VPS53: variants seen among roughly 807,000 people sequenced by gnomAD.
VPS53 encodes the protein VPS53 subunit of GARP complex.
VPS53 carries 70 observed loss-of-function variants against 107.0 expected under a neutral mutation model. The observed-to-expected ratio is 0.65, with a 90% CI of 0.54 to 0.80. VPS53 has a LOEUF of 0.80. Among genes scored for constraint, VPS53 ranks in the 30% least tolerant of loss-of-function variants. The pLI is 0.00. For synonymous variants in VPS53, 409 were observed against 393.3 expected (o/e 1.04, Z -0.47); for missense variants, 917 against 1,049.4 (o/e 0.87, Z 1.74).
Position 512,053 on chromosome 17 carries a change from TCAG to T in VPS53, c.*7072_*7074del, listed in dbSNP as rs1907977121. Reference sequence around the variant, plus strand: ...AGCTGCCAGGGGAAGGGGATACTGCTCAGTCTTTTAAAACTCTCGTGTAAGCTT... The same window carrying T: ...AGCTGCCAGGGGAAGGGGATACTGCTTCTTTTAAAACTCTCGTGTAAGCTT... On this transcript the variant is annotated 3_prime_UTR_variant, in exon 22 of 22. Coordinates refer to ENST00000437048, the MANE Select transcript of VPS53 (RefSeq NM_001128159.3). 1 of 152,240 alleles carries T rather than the reference TCAG, an allele frequency of 6.6e-6. No homozygotes were observed. The highest frequency in any genetic ancestry group is 1.5e-5 in the Non-Finnish European group (1 of 68,044). 9.4% of individuals were successfully genotyped at this position (152,240 alleles called of 1,614,324 possible). A position where few individuals can be genotyped will look rare whatever the true frequency, so the allele number is the denominator to read the frequency against.
chr17:583,692 C>G (rs1967169540), intron 13 of VPS53, among the ~76,000 whole-genome samples: 2 of 151,850 alleles, frequency 1.3e-5, no homozygotes, highest in Admixed American at 6.6e-5. Context: ...TCCCAGAGAA[C>G]TCCCTTCTGA....
rs1388307747 is a variant in VPS53, at chr17:520,802, CAT to C, written c.2223+797_2223+798del. ...TACATGAGCTCTTCACCCTCACCTA[CAT>C]GAGCTGCTTCACCCTCACCTACATG... On this transcript the variant is annotated intron_variant, in intron 20 of 21. Coordinates refer to ENST00000437048, the MANE Select transcript of VPS53 (RefSeq NM_001128159.3). This position sits in a 1 kb window ranked among gnomAD's most constrained non-coding sequence, Gnocchi z 4.4. 7.9e-5 allele frequency among the ~76,000 whole-genome samples: 12 copies of C among 151,872 alleles called. No individual in the cohort carries two copies. The highest frequency in any genetic ancestry group is 4.4e-5 in the Non-Finnish European group (3 of 67,900).
chr17:548,354 C>G (rs1425734291), intron 17 of VPS53, among the ~76,000 whole-genome samples: 1 of 151,212 alleles, frequency 6.6e-6, no homozygotes, highest in Non-Finnish European at 1.5e-5. Flanking sequence ...TGACTACACT[C>G]CACTTTGGCC....
intron 15 of VPS53, among the ~76,000 whole-genome samples, 156 bp downstream of exon 15, chr17:560,270 T>C (rs1033283279): frequency 6.6e-6 from 1 of 152,252 alleles, no homozygotes; most frequent in East Asian, 1.9e-4. Flanking sequence ...TGGGCAGCCT[T>C]ATGGCTGGAC....
chr17:626,167 C>A (rs1024265923), intron 10 of VPS53, among the ~76,000 whole-genome samples: 1 of 151,762 alleles, frequency 6.6e-6, no homozygotes, highest in African/African-American at 2.4e-5. Context: ...CATGATCACA[C>A]CACTGCACTC....
intron 4 of VPS53, chr17:676,400 T>C (rs1019901612): frequency 1.3e-5 from 2 of 152,234 alleles, no homozygotes; most frequent in Non-Finnish European, 2.9e-5. Flanking sequence ...CCGCAATTTT[T>C]CTAATGCACA....
At chr17:665,051 T>C (rs2143642195) in intron 4 of VPS53, among the ~76,000 whole-genome samples, 2 of 152,230 alleles carry the variant, frequency 1.3e-5, no homozygotes, top group South Asian at 2.1e-4. Flanking sequence ...CCAAAGTTCA[T>C]GTGTTGGAAA....
intron 12 of VPS53, among the ~76,000 whole-genome samples, chr17:587,937 A>G (rs1967409486): frequency 6.6e-6 from 1 of 152,176 alleles, no homozygotes; most frequent in African/African-American, 2.4e-5. Flanking sequence ...ACACCCACAA[A>G]GCCCTCACCA....
At chr17:599,037 CCGGGAGG>C (rs1968176465) in intron 12 of VPS53, among the ~76,000 whole-genome samples, 2 of 121,062 alleles carry the variant, frequency 1.7e-5, no homozygotes, top group Admixed American at 9.2e-5. Context: ...GCCGCCCCAT[CCGGGAGG>C]TGAGGGGCGC....
At chr17:545,451 C>T (rs1049781838) in intron 17 of VPS53, among the ~76,000 whole-genome samples, 1 of 152,172 alleles carries the variant, frequency 6.6e-6, no homozygotes, top group Admixed American at 6.5e-5. Flanking sequence ...TCAACAGCAC[C>T]AGCTATGGAC....
At position 517,543 on chromosome 17, in the gene VPS53, G is replaced by A. The variant is rs541695932; in HGVS notation, c.*1585C>T. ...CTCTATCCTGAAAACTTTTTGAGAA[G>A]GGGTCTTGCTCTGTCACCCAGGCTG... On this transcript the variant is annotated 3_prime_UTR_variant, in exon 22 of 22. Transcript: ENST00000437048. The A allele has an allele frequency of 2.0e-4, 78 of 397,898 alleles. No individual in the cohort carries two copies. The highest frequency in any genetic ancestry group is 1.3e-3 in the African/African-American group (65 of 48,716). The allele number at this position is 397,898 out of a possible 1,614,324, so 24.6% of individuals were successfully genotyped here.
At chr17:630,320 A>AAAG (rs1969901931) in intron 8 of VPS53, among the ~76,000 whole-genome samples, 1 of 152,068 alleles carries the variant, frequency 6.6e-6, no homozygotes, top group African/African-American at 2.4e-5. Context: ...AACAAAAAAA[A>AAAG]AAACCTGAAA....
At chr17:694,945 T>C (rs1972900270) in intron 4 of VPS53, among the ~76,000 whole-genome samples, 1 of 152,130 alleles carries the variant, frequency 6.6e-6, no homozygotes, top group South Asian at 2.1e-4. Flanking sequence ...CCTCAAGTCA[T>C]CCTCCCACCT....
intron 14 of VPS53, among the ~76,000 whole-genome samples, chr17:561,604 T>C (rs566811149): frequency 2.0e-5 from 3 of 152,228 alleles, no homozygotes; most frequent in Admixed American, 2.0e-4. Flanking sequence ...TCTCTTTGGG[T>C]AGTGGGATTA....
chr17:650,941 G>A (rs912072000), intron 7 of VPS53, among the ~76,000 whole-genome samples: 1 of 152,108 alleles, frequency 6.6e-6, no homozygotes, highest in African/African-American at 2.4e-5. Flanking sequence ...AAAACAAAAA[G>A]CAGTTTTTAG....
intron 7 of VPS53, among the ~76,000 whole-genome samples, chr17:642,632 G>A (rs1288369505): frequency 2.0e-5 from 3 of 150,494 alleles, no homozygotes; most frequent in African/African-American, 4.9e-5. Flanking sequence ...CTCATACTTG[G>A]AAAGCGAGGA....
chr17:535,539 G>A (rs1294543492), intron 18 of VPS53, among the ~76,000 whole-genome samples: 1 of 152,174 alleles, frequency 6.6e-6, no homozygotes, highest in African/African-American at 2.4e-5. Context: ...GGGAGACGCT[G>A]GGACTGGCTA....
At chr17:570,866 G>A (rs1567635988) in intron 13 of VPS53, among the ~76,000 whole-genome samples, 1 of 152,170 alleles carries the variant, frequency 6.6e-6, no homozygotes, top group Non-Finnish European at 1.5e-5. Context: ...GGTTATGTGA[G>A]GGGTCTGGGA....
chr17:626,784 C>G (rs541543398), intron 10 of VPS53, among the ~76,000 whole-genome samples: 3 of 152,152 alleles, frequency 2.0e-5, no homozygotes, highest in Admixed American at 6.6e-5. Flanking sequence ...GTAGATACTA[C>G]CCTGTCTCTA....
Sources: gnomAD v4.1 joint callset for allele counts (sites outside exome capture counted in the v4.1 genomes callset) on GRCh38, gnomAD v4.1.1 for gene constraint, Gnocchi (gnomAD v3.1) non-coding constraint, MANE v1.5 for transcripts, NCBI Gene and HGNC (gene_info 2026-07-23, HGNC 2026-07-21) for gene names.